Variants in CTNNA2 observed in about 807,000 individuals in gnomAD.
CTNNA2 encodes the protein catenin alpha 2.
Under a neutral mutation model 101.0 loss-of-function variants are expected in CTNNA2, and 42 were observed. That is an observed-to-expected ratio of 0.42 (90% CI 0.32 to 0.54). CTNNA2 has a LOEUF of 0.54. Ranked by LOEUF, CTNNA2 falls within the 20% of genes least tolerant of loss-of-function variation. The pLI, the probability that CTNNA2 is intolerant of heterozygous loss-of-function variation, is 0.14. For synonymous variants in CTNNA2, 450 were observed against 456.4 expected, an observed-to-expected ratio of 0.99 and a Z score of 0.18; for missense variants, 871 against 1,223.1, an observed-to-expected ratio of 0.71 and a Z score of 4.29.
chr2:79,563,189 T>A (rs62140061), intron 1 of CTNNA2, among the ~76,000 whole-genome samples: 1,085 of 40,246 alleles, frequency 0.027, 22 homozygotes, highest in African/African-American at 0.051. Context: ...ATATATATAT[T>A]TTCCTTCATT....
At chr2:79,321,943 C>T (rs973108420) in intron 3 of CTNNA2, among the ~76,000 whole-genome samples, 2 of 152,084 alleles carry the variant, frequency 1.3e-5, no homozygotes, top group Admixed American at 6.6e-5. Flanking sequence ...AGAAATCATC[C>T]CAGCAGACAT....
intron 7 of CTNNA2, among the ~76,000 whole-genome samples, chr2:80,278,508 C>T (rs983196300): frequency 6.6e-6 from 1 of 152,012 alleles, no homozygotes; most frequent in Non-Finnish European, 1.5e-5. Flanking sequence ...TCAGCCTGGG[C>T]TAGTTCACAT....
chr2:80,368,081 A>G (rs1203896088), intron 7 of CTNNA2, among the ~76,000 whole-genome samples: 1 of 152,188 alleles, frequency 6.6e-6, no homozygotes, highest in Non-Finnish European at 1.5e-5. Flanking sequence ...GGTAGAGATC[A>G]CACAATATCA....
chr2:79,673,283 T>C (rs1682967174), intron 2 of CTNNA2, among the ~76,000 whole-genome samples: 3 of 152,166 alleles, frequency 2.0e-5, no homozygotes, highest in South Asian at 4.1e-4. Flanking sequence ...AGTGGATTCC[T>C]TAAAAACTTT....
chr2:79,355,120 T>G (rs1314505037), intron 3 of CTNNA2, among the ~76,000 whole-genome samples: 2 of 152,206 alleles, frequency 1.3e-5, no homozygotes, highest in African/African-American at 4.8e-5. Flanking sequence ...CATGCTGTTT[T>G]AGGTACCATA....
At chr2:79,487,314 T>G (rs1378143553) in intron 4 of CTNNA2, among the ~76,000 whole-genome samples, 2 of 152,194 alleles carry the variant, frequency 1.3e-5, no homozygotes, top group Non-Finnish European at 2.9e-5. Flanking sequence ...TGCCCTAAGA[T>G]GAATTCCGCC....
chr2:79,623,227 ATGTTAT>A (rs1173715087), intron 1 of CTNNA2, among the ~76,000 whole-genome samples: 1 of 152,112 alleles, frequency 6.6e-6, no homozygotes, highest in African/African-American at 2.4e-5. Context: ...AACCTTGTAT[ATGTTAT>A]TTGCCATTTT....
At chr2:80,471,820 T>TA (rs35114377) in intron 9 of CTNNA2, among the ~76,000 whole-genome samples, 34 of 150,880 alleles carry the variant, frequency 2.3e-4, no homozygotes, top group Admixed American at 5.9e-4. Context: ...TCAAGTTTGT[T>TA]AAAAAAAAAA....
chr2:80,438,527 A>G (rs1222889769), intron 9 of CTNNA2, among the ~76,000 whole-genome samples: 2 of 152,032 alleles, frequency 1.3e-5, no homozygotes, highest in Non-Finnish European at 2.9e-5. Context: ...TATGCCAATT[A>G]TTGCACACCC....
At chr2:79,727,874 A>C (rs1686953584) in intron 2 of CTNNA2, among the ~76,000 whole-genome samples, 1 of 151,814 alleles carries the variant, frequency 6.6e-6, no homozygotes, top group Non-Finnish European at 1.5e-5. Context: ...GATGATTTCC[A>C]GTTTCATCCA....
chr2:79,966,347 C>T (rs1260140783), intron 7 of CTNNA2, among the ~76,000 whole-genome samples: 1 of 152,098 alleles, frequency 6.6e-6, no homozygotes, highest in Admixed American at 6.6e-5. Context: ...GCGATCCTCC[C>T]ACCTCAGCCT....
chr2:80,036,823 T>TTGTGTG lies in CTNNA2; in HGVS notation c.1056+127047_1056+127052dup, dbSNP rs1213433697. Among the ~76,000 whole-genome samples the TTGTGTG allele has an allele frequency of 6.7e-3, 907 of 134,734 alleles. 7 individuals are homozygous for TTGTGTG. The highest frequency in any genetic ancestry group is 0.023 in the African/African-American group (841 of 35,848). 88.4% of individuals were successfully genotyped at this position (134,734 alleles called of 152,430 possible). A position where few individuals can be genotyped will look rare whatever the true frequency, so the allele number is the denominator to read the frequency against. Reference sequence around the variant, plus strand: ...TCACTCATTCATTGTGTGTGTGTGTTTGTGTGTGTGTGTGTGTGTGTGTGT... The same window carrying TTGTGTG: ...TCACTCATTCATTGTGTGTGTGTGTTTGTGTGTGTGTGTGTGTGTGTGTGTGTGTGT... On this transcript the variant is annotated intron_variant, in intron 7 of 18. Coordinates refer to ENST00000402739, the MANE Select transcript of CTNNA2 (RefSeq NM_001282597.3).
At chr2:80,565,769 G>A (rs1265582666) in intron 12 of CTNNA2, among the ~76,000 whole-genome samples, 4 of 152,006 alleles carry the variant, frequency 2.6e-5, no homozygotes, top group Admixed American at 6.6e-5. Flanking sequence ...TTTACCACTC[G>A]ATTCCCGATT....
chr2:80,314,751 T>C (rs1223321773), intron 7 of CTNNA2, among the ~76,000 whole-genome samples: 1 of 152,248 alleles, frequency 6.6e-6, no homozygotes, highest in African/African-American at 2.4e-5. Flanking sequence ...GGGTTTGCCA[T>C]TGGCATATCA....
intron 11 of CTNNA2, among the ~76,000 whole-genome samples, chr2:80,547,690 CTTT>C (rs61186189): frequency 4.0e-5 from 5 of 124,310 alleles, no homozygotes; most frequent in Non-Finnish European, 6.4e-5. Flanking sequence ...GTCACTTCTG[CTTT>C]TTTTTTTTTT....
intron 7 of CTNNA2, among the ~76,000 whole-genome samples, chr2:79,913,449 G>A (rs1242638475): frequency 6.6e-6 from 1 of 152,118 alleles, no homozygotes; most frequent in Admixed American, 6.5e-5. Context: ...GTCGGTGCAG[G>A]GTGTGGTGAA....
At chr2:80,468,634 T>C (rs1572965022) in intron 9 of CTNNA2, among the ~76,000 whole-genome samples, 1 of 152,148 alleles carries the variant, frequency 6.6e-6, no homozygotes, top group Admixed American at 6.5e-5. Context: ...GCCAGGCTGG[T>C]CTTGAACTCC....
chr2:79,467,123 C>G (rs1187228785), intron 4 of CTNNA2, among the ~76,000 whole-genome samples: 1 of 152,104 alleles, frequency 6.6e-6, no homozygotes, highest in Non-Finnish European at 1.5e-5. Context: ...AAGCTAAAAA[C>G]CTTGAAAAAA....
At chr2:79,618,263 G>C (rs1678766460) in intron 1 of CTNNA2, among the ~76,000 whole-genome samples, 2 of 152,170 alleles carry the variant, frequency 1.3e-5, no homozygotes, top group African/African-American at 4.8e-5. Flanking sequence ...TTCCTTGGAG[G>C]TGAATTTTCC....
Sources: allele counts gnomAD v4.1 joint callset (sites outside exome capture counted in the v4.1 genomes callset), GRCh38; gene constraint gnomAD v4.1.1; transcripts MANE v1.5; gene names NCBI Gene and HGNC (gene_info 2026-07-23, HGNC 2026-07-21).